SCN7A: variants seen among roughly 807,000 people sequenced by gnomAD.
SCN7A encodes sodium channel protein type 7 subunit alpha.
In SCN7A, 138 loss-of-function variants were observed where a neutral mutation model predicts 155.2. The ratio of observed to expected loss-of-function variants is 0.89; its 90% confidence interval spans 0.77 to 1.02. The LOEUF is 1.02. Ranked by LOEUF, SCN7A falls within the 50% of genes least tolerant of loss-of-function variation. SCN7A has a pLI of 0.00. For missense variants in SCN7A, 2,058 were observed against 1,986.6 expected (o/e 1.04, Z -0.68); for synonymous variants, 693 against 649.0 (o/e 1.07, Z -1.03).
At chr2:166,457,253 G>T (rs1702304879) in intron 10 of SCN7A, among the ~76,000 whole-genome samples, 177 bp from the exon 11 acceptor site, 1 of 152,156 alleles carries the variant, frequency 6.6e-6, no homozygotes, top group Non-Finnish European at 1.5e-5. Flanking sequence ...AAAACCTTTT[G>T]AACTTGAGAC....
intron 2 of SCN7A, among the ~76,000 whole-genome samples, chr2:166,484,731 T>C (rs1399061425): frequency 2.0e-5 from 3 of 151,966 alleles, no homozygotes; most frequent in Admixed American, 6.6e-5. Context: ...GCATGATCAC[T>C]GCCTTCTTAG....
intron 12 of SCN7A, among the ~76,000 whole-genome samples, chr2:166,447,156 T>C (rs1702082119): frequency 6.6e-6 from 1 of 152,190 alleles, no homozygotes; most frequent in Admixed American, 6.5e-5. Context: ...AAGAAAAATG[T>C]AGGGACATCT....
At chr2:166,453,684 T>C (rs756358076) in intron 11 of SCN7A, among the ~76,000 whole-genome samples, 2 of 152,166 alleles carry the variant, frequency 1.3e-5, no homozygotes, top group Non-Finnish European at 2.9e-5. Flanking sequence ...CTGAAATCCA[T>C]ATTTATCTAA....
intron 15 of SCN7A, among the ~76,000 whole-genome samples, 159 bp from the exon 16 acceptor site, chr2:166,432,911 C>T (rs1044814823): frequency 3.9e-5 from 6 of 152,084 alleles, no homozygotes; most frequent in Admixed American, 1.3e-4. Flanking sequence ...AGTCACCATG[C>T]TGTACAATGC....
chr2:166,472,396 C>T lies in SCN7A; in HGVS notation c.493G>A (p.Ala165Thr). The T allele has an allele frequency of 1.9e-6, 3 of 1,607,432 alleles. No homozygotes were observed. Among genetic ancestry groups the T allele is most frequent in the Non-Finnish European group, 2.6e-6 (3 of 1,175,820 alleles). Reference sequence around the variant, plus strand: ...AATGATCCTGCCCAGACACCTCTTGCAAAGAGTTTTACAAGTATTTCAAAT... The same window carrying T: ...AATGATCCTGCCCAGACACCTCTTGTAAAGAGTTTTACAAGTATTTCAAAT... ...YTFEILVKLF[A>T]RGVWAGSFSF... Residue 165 changes from alanine to threonine, a missense_variant, in exon 6 of 26, where the codon GCA (alanine) becomes ACA (threonine). Ala to Thr is a moderately conservative substitution (Grantham distance 58, BLOSUM62 0). Transcript: ENST00000643258.
At position 166,405,984 on chromosome 2, in the gene SCN7A, G is replaced by C. The variant is rs1437322029; in HGVS notation, c.4645C>G (p.Leu1549Val). The C allele has an allele frequency of 3.1e-6, 5 of 1,613,026 alleles. No individual in the cohort carries two copies. The highest frequency in any genetic ancestry group is 2.2e-5 in the East Asian group (1 of 44,854). ...SDFAAALDPPLFMAKPNKGQL... is the reference protein window; with the variant it reads ...SDFAAALDPPVFMAKPNKGQL... ...CCCTTGTTTGGTTTTGCCATGAAAA[G>C]AGGAGGATCAAGAGCAGCTGCAAAA... Residue 1549 changes from leucine (L) to valine (V), a missense_variant, in exon 26 of 26, where the codon CTT (leucine) becomes GTT (valine). By Grantham distance (32) the Leu-to-Val change is conservative. Transcript: ENST00000643258.
chr2:166,441,789 A>C, intron 14 of SCN7A, 37 bp from the exon 15 acceptor site: 2 of 1,509,268 alleles, frequency 1.3e-6, no homozygotes, highest in Non-Finnish European at 1.8e-6. Flanking sequence ...CAAGAAACAA[A>C]TGACAAAAAA....
At position 166,445,326 on chromosome 2, in the gene SCN7A, G is replaced by A. The variant is rs533133826; in HGVS notation, c.1388-326C>T. On this transcript the variant is annotated intron_variant, in intron 12 of 25. Coordinates refer to ENST00000643258, the MANE Select transcript of SCN7A (RefSeq NM_002976.4). ...GTGAGACTCTGCCAAAAGAAAGAAGGAAAAAAGGAAGGAAGGAAGGAAGGA... is the reference window on the plus strand; with the variant it reads ...GTGAGACTCTGCCAAAAGAAAGAAGAAAAAAAGGAAGGAAGGAAGGAAGGA... Among the ~76,000 whole-genome samples, 7 of 129,060 alleles carry A rather than the reference G, an allele frequency of 5.4e-5. No homozygotes were observed. In the South Asian group the frequency reaches 2.0e-3, roughly 36 times the overall value. The allele number at this position is 129,060 out of a possible 152,430, so 84.7% of individuals were successfully genotyped here.
chr2:166,470,932 A>C (rs2105497464), intron 6 of SCN7A, among the ~76,000 whole-genome samples: 2 of 152,058 alleles, frequency 1.3e-5, no homozygotes, highest in Middle Eastern at 3.4e-3. Flanking sequence ...AGTTTACAAA[A>C]GTTTGACACT....
At chr2:166,459,843 G>C (rs1017460409) in intron 10 of SCN7A, among the ~76,000 whole-genome samples, 4 of 152,114 alleles carry the variant, frequency 2.6e-5, no homozygotes, top group Non-Finnish European at 5.9e-5. Context: ...GGATGAAGCT[G>C]GAAACCATCA....
intron 2 of SCN7A, among the ~76,000 whole-genome samples, chr2:166,482,732 T>C (rs988808822): frequency 2.6e-5 from 3 of 117,432 alleles, no homozygotes; most frequent in Non-Finnish European, 6.1e-5. Flanking sequence ...AATGAATGAA[T>C]AGACAGCAGG....
Position 166,456,999 on chromosome 2 carries a change from A to G in SCN7A, c.1161T>C (p.Ser387=). The G allele has an allele frequency of 1.2e-6, 2 of 1,610,846 alleles. No homozygotes were observed. Among genetic ancestry groups the G allele is most frequent in the Non-Finnish European group, 1.7e-6 (2 of 1,178,708 alleles). Residue 387 remains serine, a synonymous_variant, in exon 11 of 26, where the codon AGT becomes AGC. Coordinates refer to ENST00000643258, the MANE Select transcript of SCN7A (RefSeq NM_002976.4). ...CCATGGCAAGTATGCCTAAGAACAAACTTGCCATATAAAAGGAAAACAAAA... is the reference window on the plus strand; with the variant it reads ...CCATGGCAAGTATGCCTAAGAACAAGCTTGCCATATAAAAGGAAAACAAAA... ...VSFLFSFYMA[S]LFLGILAMAY...
intron 17 of SCN7A, 124 bp downstream of exon 17, chr2:166,429,045 C>T: frequency 3.5e-6 from 2 of 575,238 alleles, no homozygotes; most frequent in East Asian, 6.3e-5. Flanking sequence ...GTACATTTAA[C>T]ATGAATATTA....
At chr2:166,447,478 C>A (rs1170386649) in intron 12 of SCN7A, 134 bp downstream of exon 12, 1 of 587,780 alleles carries the variant, frequency 1.7e-6, no homozygotes, top group Non-Finnish European at 2.9e-6. Flanking sequence ...CATGGTTTAT[C>A]CTAATATTCT....
At chr2:166,418,284 C>CTTTTTTTTTTTCTT (rs1701433476) in intron 20 of SCN7A, among the ~76,000 whole-genome samples, 4 of 60,676 alleles carry the variant, frequency 6.6e-5, no homozygotes, top group African/African-American at 2.9e-4. Flanking sequence ...CCCCGCCAGG[C>CTTTTTTTTTTTCTT]TTTTTTTTTT....
chr2:166,458,167 A>T (rs910007564), intron 10 of SCN7A, among the ~76,000 whole-genome samples: 3 of 151,978 alleles, frequency 2.0e-5, no homozygotes, highest in Admixed American at 6.6e-5. Flanking sequence ...CTCTACTAAA[A>T]ATACAAAAAA....
At chr2:166,410,555 C>T (rs910006000) in intron 23 of SCN7A, among the ~76,000 whole-genome samples, 15 of 151,926 alleles carry the variant, frequency 9.9e-5, no homozygotes, top group African/African-American at 3.1e-4. Flanking sequence ...TCTCTAAGTG[C>T]GCTTTCTTAG....
Position 166,462,418 on chromosome 2 carries a change from G to A in SCN7A, c.1054C>T (p.Gln352Ter), listed in dbSNP as rs1343029802. 6.2e-7 allele frequency: 1 copy of A among 1,601,832 alleles called. No homozygotes were observed. Among genetic ancestry groups the A allele is most frequent in the Non-Finnish European group, 8.5e-7 (1 of 1,173,620 alleles). Residue 352 changes from glutamine to a stop codon, truncating the protein, a stop_gained, in exon 10 of 26, where the codon CAG becomes TAG. Transcript: ENST00000643258. LOFTEE classifies it high-confidence loss of function. ...ALFALFRLMA[Q>*]DYPEVLYHQI... Reference sequence around the variant, plus strand: ...TGATAAAGTACTTCAGGGTAATCCTGAGCCATTAACCGAAATAGGGCAAAT... The same window carrying A: ...TGATAAAGTACTTCAGGGTAATCCTAAGCCATTAACCGAAATAGGGCAAAT...
chr2:166,482,473 C>A (rs769005754), intron 2 of SCN7A, among the ~76,000 whole-genome samples: 21 of 151,950 alleles, frequency 1.4e-4, no homozygotes, highest in Non-Finnish European at 2.7e-4. Context: ...CACCCCCCAG[C>A]TATGAGACCT....
Sources: allele counts gnomAD v4.1 joint callset (sites outside exome capture counted in the v4.1 genomes callset), GRCh38; gene constraint gnomAD v4.1.1; transcripts MANE v1.5; gene names NCBI Gene and HGNC (gene_info 2026-07-23, HGNC 2026-07-21).